The following PHACTR1 variants were observed in gnomAD, a reference collection of about 807,000 sequenced individuals.
PHACTR1 encodes phosphatase and actin regulator 1.
A neutral mutation model predicts 69.2 loss-of-function variants in PHACTR1; 16 were observed. The observed-to-expected ratio is 0.23, with a 90% CI of 0.16 to 0.35. PHACTR1 has a LOEUF of 0.35. PHACTR1 is among the 10% of genes least tolerant of loss of function. PHACTR1 has a pLI of 1.00. For synonymous variants in PHACTR1, 312 were observed against 284.5 expected (o/e 1.10, Z -0.97); for missense variants, 510 against 734.7 (o/e 0.69, Z 3.54).
chr6:13,044,633 G>A (rs1373848693), intron 4 of PHACTR1, among the ~76,000 whole-genome samples: 1 of 152,180 alleles, frequency 6.6e-6, no homozygotes, highest in Non-Finnish European at 1.5e-5. Flanking sequence ...AGAGGAGAAT[G>A]AGGAAGCCCT....
chr6:12,794,869 C>T (rs1290551773), intron 4 of PHACTR1, among the ~76,000 whole-genome samples: 3 of 152,022 alleles, frequency 2.0e-5, no homozygotes, highest in Non-Finnish European at 4.4e-5. Context: ...AGGCAGGGGC[C>T]AGATGACAGA....
At chr6:13,204,908 T>A (rs1180305855) in intron 7 of PHACTR1, among the ~76,000 whole-genome samples, 4 of 152,218 alleles carry the variant, frequency 2.6e-5, no homozygotes, top group East Asian at 1.9e-4. Flanking sequence ...TTAAATCCCA[T>A]GCCTGTTGGG....
intron 4 of PHACTR1, among the ~76,000 whole-genome samples, chr6:13,025,699 G>A (rs1044509549): frequency 6.6e-6 from 1 of 151,876 alleles, no homozygotes; most frequent in Non-Finnish European, 1.5e-5. Flanking sequence ...GTGTGTGTGT[G>A]TGTGTGTGTG....
intron 3 of PHACTR1, among the ~76,000 whole-genome samples, chr6:12,719,759 T>C (rs1307615835): frequency 6.6e-6 from 1 of 152,230 alleles, no homozygotes; most frequent in African/African-American, 2.4e-5. Flanking sequence ...CACACGCCAC[T>C]GATAATATCC....
At chr6:13,074,429 G>A (rs1210673020) in intron 5 of PHACTR1, among the ~76,000 whole-genome samples, 5 of 152,178 alleles carry the variant, frequency 3.3e-5, no homozygotes, top group East Asian at 1.9e-4. Flanking sequence ...GGAAAGAGGA[G>A]TCAGTGCAAG....
intron 5 of PHACTR1, among the ~76,000 whole-genome samples, chr6:13,147,649 A>G (rs1306612049): frequency 6.6e-6 from 1 of 152,222 alleles, no homozygotes; most frequent in Non-Finnish European, 1.5e-5. Flanking sequence ...TTATTGCCTT[A>G]TAACCACCCT....
chr6:13,041,440 A>G (rs933006088), intron 4 of PHACTR1, among the ~76,000 whole-genome samples: 1 of 151,690 alleles, frequency 6.6e-6, no homozygotes, highest in African/African-American at 2.4e-5. Context: ...CTTCAGCAGT[A>G]CTATTTGGAT....
intron 4 of PHACTR1, among the ~76,000 whole-genome samples, chr6:12,990,651 C>T (rs1370556851): frequency 6.6e-6 from 1 of 152,204 alleles, no homozygotes; most frequent in Non-Finnish European, 1.5e-5. Flanking sequence ...TAAGTGTTGA[C>T]AGCTCAGTGG....
chr6:12,778,840 A>G (rs529971774), intron 4 of PHACTR1, among the ~76,000 whole-genome samples: 8 of 152,352 alleles, frequency 5.3e-5, no homozygotes, highest in African/African-American at 1.9e-4. Flanking sequence ...ATAGTATATT[A>G]CACGGTCACT....
intron 4 of PHACTR1, among the ~76,000 whole-genome samples, chr6:12,780,238 A>G (rs1770633572): frequency 7.1e-6 from 1 of 141,426 alleles, no homozygotes; most frequent in South Asian, 2.4e-4. Flanking sequence ...ACATATATAT[A>G]TATCTTTTCT....
Position 13,205,928 on chromosome 6 carries a change from T to G in PHACTR1, c.778T>G (p.Ser260Ala). The change falls in exon 8 of 15, where the codon TCC becomes GCC. Residue 260 changes from serine to alanine, a missense_variant. Physicochemically the swap from Ser to Ala is moderately conservative, Grantham distance 99 (BLOSUM62 1). Transcript: ENST00000332995. Reference sequence around the variant, plus strand: ...GGGGGGGCCAGACCTCTCACTGGTGTCCTACACAGCCCAGAAGAGTGGCCA... The same window carrying G: ...GGGGGGGCCAGACCTCTCACTGGTGGCCTACACAGCCCAGAAGAGTGGCCA... Reference protein sequence around the residue: ...PVGGPDLSLVSYTAQKSGQQG... With the variant: ...PVGGPDLSLVAYTAQKSGQQG... 2 of 1,613,996 alleles carry G rather than the reference T, an allele frequency of 1.2e-6. No individual in the cohort carries two copies. The highest frequency in any genetic ancestry group is 4.5e-5 in the East Asian group (2 of 44,890).
chr6:12,933,686 A>C, intron 4 of PHACTR1: 3 of 1,612,684 alleles, frequency 1.9e-6, no homozygotes, highest in Non-Finnish European at 2.5e-6. Context: ...AGCAGTGCCA[A>C]CTCTTGGGCG....
chr6:12,794,129 A>C (rs1772682289), intron 4 of PHACTR1, among the ~76,000 whole-genome samples: 1 of 152,264 alleles, frequency 6.6e-6, no homozygotes, highest in South Asian at 2.1e-4. Context: ...TTATGAGAAC[A>C]AAATGGAACA....
At chr6:12,926,875 C>T (rs1285186241) in intron 4 of PHACTR1, among the ~76,000 whole-genome samples, 1 of 151,204 alleles carries the variant, frequency 6.6e-6, no homozygotes, top group Non-Finnish European at 1.5e-5. Context: ...ATGCGCTGGT[C>T]CTGGTCCTGC....
Position 13,073,001 on chromosome 6 carries a change from C to T in PHACTR1, c.415+19472C>T, listed in dbSNP as rs372181742. ...CCTCAGGGAAGCCGTGATCATTGGC[C>T]TTTATTTAGACTGATTTCGTCTTTT... On this transcript the variant is annotated intron_variant, in intron 5 of 14. Transcript: ENST00000332995. Among the ~76,000 whole-genome samples the T allele has an allele frequency of 5.2e-4, 79 of 152,186 alleles. No individual in the cohort carries two copies. In the South Asian group the frequency reaches 0.012, roughly 22 times the overall value.
At chr6:13,006,407 G>A (rs1015741525) in intron 4 of PHACTR1, among the ~76,000 whole-genome samples, 13 of 152,170 alleles carry the variant, frequency 8.5e-5, no homozygotes, top group Non-Finnish European at 5.9e-5. Context: ...GAGCTTTGCT[G>A]TAAACTCATT....
chr6:13,248,445 G>C (rs930405723), intron 10 of PHACTR1, among the ~76,000 whole-genome samples: 14 of 152,158 alleles, frequency 9.2e-5, no homozygotes, highest in African/African-American at 3.1e-4. Context: ...GCATTAATTT[G>C]TTGATAATAT....
At chr6:13,044,825 G>A (rs1278303481) in intron 4 of PHACTR1, among the ~76,000 whole-genome samples, 5 of 152,184 alleles carry the variant, frequency 3.3e-5, no homozygotes, top group Non-Finnish European at 7.3e-5. Flanking sequence ...CGCTGAGTTC[G>A]TAATTGTAGC....
intron 4 of PHACTR1, among the ~76,000 whole-genome samples, chr6:13,004,816 A>G (rs758370208): frequency 6.6e-6 from 1 of 152,192 alleles, no homozygotes; most frequent in African/African-American, 2.4e-5. Context: ...CATCTGTGCA[A>G]TATAGCTTTG....
Sources: allele counts gnomAD v4.1 joint callset (sites outside exome capture counted in the v4.1 genomes callset), GRCh38; gene constraint gnomAD v4.1.1; transcripts MANE v1.5; gene names NCBI Gene and HGNC (gene_info 2026-07-23, HGNC 2026-07-21).